Variants in OSTC observed in about 807,000 individuals in gnomAD.
The protein encoded by OSTC is oligosaccharyltransferase complex subunit OSTC.
In OSTC, 16 loss-of-function variants were observed where a neutral mutation model predicts 16.4. The observed-to-expected ratio is 0.98, with a 90% CI of 0.66 to 1.49. The LOEUF is 1.49. Among genes scored for constraint, OSTC ranks in the 40% most tolerant of loss-of-function variants. The pLI is 0.00. For missense variants in OSTC, 139 were observed against 186.3 expected (o/e 0.75, Z 1.48); for synonymous variants, 67 against 68.5 (o/e 0.98, Z 0.11).
Position 108,667,317 on chromosome 4 carries a change from G to A in OSTC, c.*52G>A. ...TACTGGATTTGCTCCTGTCAATGAA[G>A]TTTTAAAGGCTGTACCAATCCTCTA... is the stretch of plus-strand genomic sequence containing the variant. On this transcript the variant is annotated 3_prime_UTR_variant, in exon 4 of 4. Coordinates refer to ENST00000361564, the MANE Select transcript of OSTC (RefSeq NM_021227.4). 1.3e-6 allele frequency: 2 copies of A among 1,514,826 alleles called. No homozygotes were observed. The highest frequency in any genetic ancestry group is 1.8e-6 in the Non-Finnish European group (2 of 1,096,534). The allele number at this position is 1,514,826 out of a possible 1,614,324, so 93.8% of individuals were successfully genotyped here.
chr4:108,652,176 A>G (rs1437406878), intron 1 of OSTC: 1 of 152,180 alleles, frequency 6.6e-6, no homozygotes, highest in Non-Finnish European at 1.5e-5. Context: ...CACATATACT[A>G]AAATTGGAAT....
At chr4:108,663,172 G>T in intron 3 of OSTC, 1 of 455,518 alleles carries the variant, frequency 2.2e-6, no homozygotes, top group Non-Finnish European at 4.4e-6. Flanking sequence ...GTTAGATTAT[G>T]GCCACAGTTT....
chr4:108,667,525 G>A lies in OSTC; in HGVS notation c.*260G>A, dbSNP rs1370490327. On this transcript the variant is annotated 3_prime_UTR_variant, in exon 4 of 4. Transcript: ENST00000361564. ...GATGTTGAGTGGCATTTTCTTTTTA[G>A]TTTTTCATTAAAATATATTCCATAT... is the stretch of plus-strand genomic sequence containing the variant. The A allele has an allele frequency of 5.8e-6, 2 of 344,100 alleles. No homozygotes were observed. Among genetic ancestry groups the A allele is most frequent in the Admixed American group, 9.5e-5 (2 of 21,034 alleles). The allele number at this position is 344,100 out of a possible 1,614,324, so 21.3% of individuals were successfully genotyped here.
intron 2 of OSTC, among the ~76,000 whole-genome samples, chr4:108,657,064 C>CAA (rs762968337): frequency 9.1e-6 from 1 of 109,358 alleles, no homozygotes; most frequent in Non-Finnish European, 1.9e-5. Flanking sequence ...GACTCAATCT[C>CAA]AAAAAAAAAA....
chr4:108,666,420 G>T (rs1727002757), intron 3 of OSTC, among the ~76,000 whole-genome samples: 1 of 151,794 alleles, frequency 6.6e-6, no homozygotes, highest in South Asian at 2.1e-4. Context: ...GTAACTTTAA[G>T]AGGGAAGGGC....
chr4:108,659,938 C>G (rs12643059), intron 3 of OSTC, among the ~76,000 whole-genome samples: 123,713 of 152,140 alleles, frequency 0.81, 50,640 homozygotes, highest in East Asian at 1. Flanking sequence ...TATAGTTTTA[C>G]GTCCTCTTCC....
intron 1 of OSTC, among the ~76,000 whole-genome samples, chr4:108,651,807 A>C (rs1726558282): frequency 6.6e-6 from 1 of 152,226 alleles, no homozygotes; most frequent in African/African-American, 2.4e-5. Context: ...TGTTATTTTC[A>C]TAGATGTTTT....
At position 108,655,551 on chromosome 4, in the gene OSTC, G is replaced by T. The variant is rs1403084641; in HGVS notation, c.140-13G>T. 1 of 1,501,454 alleles carries T rather than the reference G, an allele frequency of 6.7e-7. No individual in the cohort carries two copies. The highest frequency in any genetic ancestry group is 1.1e-5 in the South Asian group (1 of 87,002). 93.0% of individuals were successfully genotyped at this position (1,501,454 alleles called of 1,614,324 possible). On this transcript the variant is annotated splice_polypyrimidine_tract_variant and intron_variant, in intron 1 of 3. Transcript: ENST00000361564. Reference sequence around the variant, plus strand: ...GTAATACAATCTAATCTGTTCTGTTGTCTTTCTTATAGGAATAATTTATGA... The same window carrying T: ...GTAATACAATCTAATCTGTTCTGTTTTCTTTCTTATAGGAATAATTTATGA...
chr4:108,657,833 C>CTTAG (rs1356020667), intron 3 of OSTC, among the ~76,000 whole-genome samples, 186 bp downstream of exon 3: 1 of 146,174 alleles, frequency 6.8e-6, no homozygotes, highest in East Asian at 2.0e-4. Flanking sequence ...AATAGATCTT[C>CTTAG]TTAGTTGTTA....
intron 3 of OSTC, among the ~76,000 whole-genome samples, chr4:108,665,503 G>A (rs1457345434): frequency 2.2e-5 from 3 of 139,058 alleles, no homozygotes; most frequent in Non-Finnish European, 3.1e-5. Context: ...GCTGGAGCAC[G>A]GGGTTTCACC....
intron 3 of OSTC, 54 bp from the exon 4 acceptor site, chr4:108,667,193 A>T: frequency 6.8e-7 from 1 of 1,468,112 alleles, no homozygotes; most frequent in South Asian, 1.2e-5. Context: ...TGATAATAAG[A>T]GAATATAAAA....
intron 2 of OSTC, 86 bp downstream of exon 2, chr4:108,655,743 A>G (rs1578338100): frequency 3.3e-6 from 3 of 921,204 alleles, no homozygotes; most frequent in East Asian, 5.1e-5. Context: ...AGTAAAACCT[A>G]TGGGATCCAT....
intron 3 of OSTC, among the ~76,000 whole-genome samples, chr4:108,660,177 A>G (rs933762929): frequency 1.4e-4 from 22 of 152,224 alleles, no homozygotes; most frequent in African/African-American, 5.3e-4. Flanking sequence ...AGGCTAGGGA[A>G]AAAGGGTATA....
At chr4:108,656,001 T>G (rs1278587308) in intron 2 of OSTC, among the ~76,000 whole-genome samples, 2 of 152,176 alleles carry the variant, frequency 1.3e-5, no homozygotes, top group Non-Finnish European at 2.9e-5. Context: ...ATGTGTTTTA[T>G]ATGATCTATG....
chr4:108,656,933 C>G (rs4956203), intron 2 of OSTC, among the ~76,000 whole-genome samples: 5 of 151,874 alleles, frequency 3.3e-5, no homozygotes, highest in African/African-American at 1.2e-4. Context: ...CCCTGTCTCC[C>G]CTAAAAATAC....
chr4:108,655,524 T>C, intron 1 of OSTC, 40 bp from the exon 2 acceptor site: 1 of 1,269,042 alleles, frequency 7.9e-7, no homozygotes, highest in Non-Finnish European at 1.1e-6. Flanking sequence ...TTTCAAAAAT[T>C]AGTAATACAA....
intron 1 of OSTC, among the ~76,000 whole-genome samples, chr4:108,654,848 A>G (rs996761085): frequency 9.2e-5 from 14 of 152,222 alleles, no homozygotes; most frequent in African/African-American, 3.4e-4. Flanking sequence ...TGGTTTTAAA[A>G]TGTCTCCTTG....
chr4:108,664,648 C>T (rs1451778723), intron 3 of OSTC, among the ~76,000 whole-genome samples: 7 of 150,828 alleles, frequency 4.6e-5, no homozygotes, highest in African/African-American at 1.5e-4. Flanking sequence ...GGCTGGAGTG[C>T]GGTGGCATGA....
chr4:108,663,251 G>T (rs1399473706), intron 3 of OSTC: 1 of 455,042 alleles, frequency 2.2e-6, no homozygotes, highest in Non-Finnish European at 4.4e-6. Context: ...TCGCTCTGTT[G>T]CCCAGGCTGG....
Sources: allele counts gnomAD v4.1 joint callset (sites outside exome capture counted in the v4.1 genomes callset), GRCh38; gene constraint gnomAD v4.1.1; transcripts MANE v1.5; gene names NCBI Gene and HGNC (gene_info 2026-07-23, HGNC 2026-07-21).